The following PTPRT variants were observed in gnomAD, a reference collection of about 807,000 sequenced individuals.
PTPRT encodes the protein receptor-type tyrosine-protein phosphatase T.
A neutral mutation model predicts 176.8 loss-of-function variants in PTPRT; 56 were observed. The ratio of observed to expected loss-of-function variants is 0.32; its 90% CI spans 0.26 to 0.40. The LOEUF (loss-of-function observed/expected upper bound fraction) is 0.40, where lower values mean the gene tolerates loss of function less well. PTPRT is among the 10% of genes least tolerant of loss of function. The probability of loss-of-function intolerance (pLI) is 1.00; values close to 1 mark genes in which losing one functional copy is unlikely to be tolerated. For synonymous variants in PTPRT, 783 were observed against 739.0 expected, an observed-to-expected ratio of 1.06 and a Z score of -0.96; for missense variants, 1,540 against 1,908.2, an observed-to-expected ratio of 0.81 and a Z score of 3.60.
At chr20:42,875,067 C>T (rs182674405) in intron 2 of PTPRT, among the ~76,000 whole-genome samples, 1 of 152,262 alleles carries the variant, frequency 6.6e-6, no homozygotes, top group African/African-American at 2.4e-5. Flanking sequence ...TGCCAGTCTC[C>T]ATCACTTTCA....
chr20:42,167,538 C>A (rs777456190), intron 16 of PTPRT, among the ~76,000 whole-genome samples: 1 of 152,202 alleles, frequency 6.6e-6, no homozygotes, highest in Non-Finnish European at 1.5e-5. Context: ...CAATGTATTT[C>A]TTCTATCACT....
chr20:43,027,141 C>T (rs1273746860), intron 1 of PTPRT, among the ~76,000 whole-genome samples: 2 of 152,062 alleles, frequency 1.3e-5, no homozygotes, highest in Non-Finnish European at 2.9e-5. Flanking sequence ...TTTTAAGGAA[C>T]CTCCAAGCTG....
At chr20:42,818,736 G>A (rs144194027) in intron 2 of PTPRT, among the ~76,000 whole-genome samples, 188 of 152,272 alleles carry the variant, frequency 1.2e-3, no homozygotes, top group African/African-American at 4.3e-3. Context: ...AACACAGCAC[G>A]AGAACTTTGT....
At chr20:42,659,029 G>A (rs1243003429) in intron 7 of PTPRT, among the ~76,000 whole-genome samples, 1 of 152,082 alleles carries the variant, frequency 6.6e-6, no homozygotes, top group Non-Finnish European at 1.5e-5. Flanking sequence ...GGGGTTCATG[G>A]TTTCTTTTTA....
chr20:42,496,721 A>G lies in PTPRT; in HGVS notation c.1154-24159T>C, dbSNP rs1459214473. ...GGTCATAAATTCTGTGAAGTCACAC[A>G]CAACATCTGCACAGTTTTCCCTAGC... On this transcript the variant is annotated intron_variant, in intron 7 of 30. Transcript: ENST00000373187. Among the ~76,000 whole-genome samples, 4 of 151,802 alleles carry G rather than the reference A, an allele frequency of 2.6e-5. No individual in the cohort carries two copies. In the East Asian group the frequency reaches 5.8e-4, roughly 22 times the overall value.
chr20:42,834,632 T>A (rs1424918245), intron 2 of PTPRT, among the ~76,000 whole-genome samples: 2 of 152,226 alleles, frequency 1.3e-5, no homozygotes, highest in African/African-American at 4.8e-5. Context: ...GGTTGTGGGA[T>A]ATGATGGGGT....
At chr20:43,056,583 C>T (rs557958625) in intron 1 of PTPRT, among the ~76,000 whole-genome samples, 10 of 152,234 alleles carry the variant, frequency 6.6e-5, no homozygotes, top group South Asian at 2.1e-4. Context: ...AATTTTATTG[C>T]GTGAATCTAT....
At position 42,160,919 on chromosome 20, in the gene PTPRT, G is replaced by A. The variant is rs954574094; in HGVS notation, c.2682+433C>T. ...TGAGTATGAGACAAGAGGTGACCAA[G>A]GGCAAGCATGCATGCTGGAAATCAT... On this transcript the variant is annotated intron_variant, in intron 17 of 30. Transcript: ENST00000373187. Among the ~76,000 whole-genome samples the A allele has an allele frequency of 2.0e-5, 3 of 152,162 alleles. No homozygotes were observed. The South Asian group carries it at 6.2e-4, about 32-fold the overall frequency.
rs761591989 is a variant in PTPRT at position 42,756,469 on chromosome 20, G to A, written c.852C>T (p.Ile284=). The A allele has an allele frequency of 1.8e-5, 28 of 1,557,078 alleles. No individual in the cohort carries two copies. Among genetic ancestry groups the A allele is most frequent in the Middle Eastern group, 1.7e-4 (1 of 5,808 alleles). The change falls in exon 6 of 31, where the codon ATC becomes ATT. Residue 284 remains isoleucine, a synonymous_variant. Coordinates refer to ENST00000373187, the MANE Select transcript of PTPRT (RefSeq NM_007050.6). ...CAGGCTGGAGGCACTCACCTTTCAC[G>A]ATCAGCTCCGCGTAGTTGGACACAC... The part of the protein sequence containing the change: ...GSGVSNYAEL[I]VKEPPTPIAP...
At chr20:42,645,758 G>A (rs1455266479) in intron 7 of PTPRT, among the ~76,000 whole-genome samples, 1 of 142,346 alleles carries the variant, frequency 7.0e-6, no homozygotes, top group Non-Finnish European at 1.5e-5. Context: ...GATGGGATGT[G>A]TATTTATGTG....
chr20:42,982,333 G>C (rs1027798655), intron 1 of PTPRT, among the ~76,000 whole-genome samples: 1 of 152,188 alleles, frequency 6.6e-6, no homozygotes, highest in Non-Finnish European at 1.5e-5. Context: ...CATGTGGGAG[G>C]TAGACCTTAA....
At chr20:42,378,026 G>T (rs530666153) in intron 9 of PTPRT, among the ~76,000 whole-genome samples, 13 of 152,336 alleles carry the variant, frequency 8.5e-5, no homozygotes, top group Non-Finnish European at 1.5e-4. Flanking sequence ...AGAGGCAGAG[G>T]TTGGGGCAGA....
At chr20:42,551,487 T>C (rs2072769402) in intron 7 of PTPRT, among the ~76,000 whole-genome samples, 1 of 152,212 alleles carries the variant, frequency 6.6e-6, no homozygotes, top group Admixed American at 6.5e-5. Flanking sequence ...AAATTTGAAA[T>C]GGATGGCTAA....
At chr20:42,085,249 A>G (rs1002166707) in intron 28 of PTPRT, among the ~76,000 whole-genome samples, 2 of 152,214 alleles carry the variant, frequency 1.3e-5, no homozygotes, top group South Asian at 4.2e-4. Context: ...CCTGGGCCCC[A>G]AGTAGTGACC....
At chr20:42,421,896 C>A (rs2059121996) in intron 9 of PTPRT, among the ~76,000 whole-genome samples, 1 of 152,166 alleles carries the variant, frequency 6.6e-6, no homozygotes, top group East Asian at 1.9e-4. Flanking sequence ...AGATATAAGA[C>A]CACACACCTA....
chr20:42,284,526 A>G (rs985748205), intron 12 of PTPRT, among the ~76,000 whole-genome samples: 8 of 152,084 alleles, frequency 5.3e-5, no homozygotes, highest in African/African-American at 1.9e-4. Flanking sequence ...GATAATGCCA[A>G]TGGTAGAACC....
chr20:43,017,319 C>T (rs1423959178), intron 1 of PTPRT, among the ~76,000 whole-genome samples: 2 of 152,106 alleles, frequency 1.3e-5, no homozygotes, highest in Non-Finnish European at 2.9e-5. Flanking sequence ...GCCCTGTGAC[C>T]TTTCTGTGCG....
chr20:42,519,896 A>G (rs1161796417), intron 7 of PTPRT, among the ~76,000 whole-genome samples: 2 of 152,136 alleles, frequency 1.3e-5, no homozygotes, highest in African/African-American at 4.8e-5. Context: ...CTCCTAGTAT[A>G]ATCAAGTTTT....
At chr20:42,635,898 T>C (rs534075955) in intron 7 of PTPRT, among the ~76,000 whole-genome samples, 4 of 152,222 alleles carry the variant, frequency 2.6e-5, no homozygotes, top group Admixed American at 6.5e-5. Context: ...AGTGTCCACA[T>C]TGGAATCTTA....
Sources: allele counts gnomAD v4.1 joint callset (sites outside exome capture counted in the v4.1 genomes callset), GRCh38; gene constraint gnomAD v4.1.1; transcripts MANE v1.5; gene names NCBI Gene and HGNC (gene_info 2026-07-23, HGNC 2026-07-21).